POLR2F: variants seen among roughly 807,000 people sequenced by gnomAD.
POLR2F encodes the protein RNA polymerase II, I and III subunit F.
In POLR2F, 12 loss-of-function variants were observed where a neutral mutation model predicts 22.7. That is an observed-to-expected ratio of 0.53 (90% CI 0.34 to 0.86). The LOEUF (loss-of-function observed/expected upper bound fraction) is 0.86. POLR2F is among the 40% of genes least tolerant of loss of function. The probability of loss-of-function intolerance (pLI) is 0.02; values close to 1 mark genes in which losing one functional copy is unlikely to be tolerated. For missense variants in POLR2F, 126 were observed against 171.5 expected (o/e 0.73, Z 1.48); for synonymous variants, 57 against 66.0 (o/e 0.86, Z 0.66).
chr22:38,030,916 C>A (rs2085058624), downstream of POLR2F, among the ~76,000 whole-genome samples: 1 of 152,080 alleles, frequency 6.6e-6, no homozygotes, highest in Admixed American at 6.5e-5. Context: ...TCGGCTGTCA[C>A]CAGTAGGGGG....
At chr22:37,987,565 G>T (rs1932620339) in intron 1 of POLR2F, 1 of 342,944 alleles carries the variant, frequency 2.9e-6, no homozygotes, top group African/African-American at 2.1e-5. Context: ...AGGATACACT[G>T]AGATGAAGGT....
chr22:37,985,575 G>A (rs1932546104), upstream of POLR2F, among the ~76,000 whole-genome samples: 2 of 152,208 alleles, frequency 1.3e-5, no homozygotes, highest in South Asian at 4.1e-4. Context: ...TGGGGTGTAT[G>A]TGGGTTATGT....
At chr22:37,956,982 G>A in intron 2 of POLR2F, 140 bp downstream of exon 2, 2 of 735,474 alleles carry the variant, frequency 2.7e-6, no homozygotes, top group South Asian at 3.0e-5. Flanking sequence ...AGTGAGCTGT[G>A]TTCCAGTCTT....
intron 1 of POLR2F, among the ~76,000 whole-genome samples, chr22:38,003,796 C>T (rs537667908): frequency 1.6e-4 from 24 of 151,166 alleles, no homozygotes; most frequent in Admixed American, 9.2e-4. Flanking sequence ...AGGCTGGTCT[C>T]GAACCCCTGA....
At chr22:38,030,032 T>G (rs1373239378), downstream of POLR2F, among the ~76,000 whole-genome samples, 1 of 152,204 alleles carries the variant, frequency 6.6e-6, no homozygotes, top group Non-Finnish European at 1.5e-5. Flanking sequence ...CAAGGGCCTT[T>G]TCCACAAGCA....
At chr22:38,007,542 C>T (rs1276347224) in intron 1 of POLR2F, among the ~76,000 whole-genome samples, 2 of 152,168 alleles carry the variant, frequency 1.3e-5, no homozygotes, top group Non-Finnish European at 2.9e-5. Context: ...AGAGCGGGGC[C>T]GCCCCCATGC....
chr22:38,009,810 A>G (rs1045662699), intron 1 of POLR2F, among the ~76,000 whole-genome samples: 1 of 152,034 alleles, frequency 6.6e-6, no homozygotes, highest in East Asian at 1.9e-4. Flanking sequence ...CACTCAGCAT[A>G]ATTGTTTTGA....
chr22:38,041,014 C>T, intron 5 of POLR2F: 1 of 1,612,212 alleles, frequency 6.2e-7, no homozygotes, highest in Non-Finnish European at 8.5e-7. Context: ...TTCATGTCAT[C>T]CTCAACACAG....
chr22:37,971,999 C>G (rs1422567736), downstream of POLR2F, among the ~76,000 whole-genome samples: 1 of 150,874 alleles, frequency 6.6e-6, no homozygotes, highest in African/African-American at 2.4e-5. Flanking sequence ...TCCTAACACT[C>G]TCCATTGTTC....
intron 4 of POLR2F, among the ~76,000 whole-genome samples, chr22:37,975,692 C>T (rs948845242): frequency 1.3e-5 from 2 of 152,170 alleles, no homozygotes; most frequent in Non-Finnish European, 2.9e-5. Flanking sequence ...CCTGCCTAGG[C>T]TTTTGAATCC....
In POLR2F at chr22:37,980,988, C is replaced by G. The variant is rs947792850; in HGVS notation, c.293+13818C>G. Among the ~76,000 whole-genome samples the G allele has an allele frequency of 6.6e-6, 1 of 152,162 alleles. No homozygotes were observed. Among genetic ancestry groups the G allele is most frequent in the African/African-American group, 2.4e-5 (1 of 41,428 alleles). On this transcript the variant is annotated intron_variant, in intron 4 of 4. Coordinates refer to the POLR2F transcript ENST00000405557. This position sits in a 1 kb window ranked among gnomAD's most constrained non-coding sequence, Gnocchi z 4.1. ...TGGCTCTGGTTCTTTCCAGGCAGAT[C>G]AGCCAACCCACAGGCACCACCCTGT... is the stretch of plus-strand genomic sequence containing the variant.
chr22:38,027,188 G>A (rs986729954), downstream of POLR2F, among the ~76,000 whole-genome samples: 6 of 152,164 alleles, frequency 3.9e-5, no homozygotes, highest in African/African-American at 1.4e-4. Context: ...CCATTCATTC[G>A]TTCATTCATT....
intron 1 of POLR2F, among the ~76,000 whole-genome samples, chr22:37,989,106 G>A (rs973862570): frequency 1.3e-5 from 2 of 152,112 alleles, no homozygotes; most frequent in South Asian, 2.1e-4. Flanking sequence ...CCTCAGTCTC[G>A]GATGTAGTGG....
chr22:37,992,394 T>TC (rs1310037908), intron 1 of POLR2F, among the ~76,000 whole-genome samples: 1 of 152,026 alleles, frequency 6.6e-6, no homozygotes, highest in Admixed American at 6.5e-5. Flanking sequence ...CTTCTTCTTT[T>TC]TTTTTTTTTC....
At chr22:37,977,329 C>A (rs1174238493) in intron 4 of POLR2F, among the ~76,000 whole-genome samples, 1 of 141,990 alleles carries the variant, frequency 7.0e-6, no homozygotes, top group African/African-American at 2.6e-5. Context: ...TTTTTTTTTT[C>A]TTTCTCTTTG....
chr22:37,956,959 C>T, intron 2 of POLR2F, 117 bp downstream of exon 2: 1 of 809,020 alleles, frequency 1.2e-6, no homozygotes. Context: ...CTGCCATAAG[C>T]ATTCCCAGTT....
chr22:37,958,997 C>T (rs1033424404), intron 2 of POLR2F, among the ~76,000 whole-genome samples: 1 of 152,086 alleles, frequency 6.6e-6, no homozygotes, highest in African/African-American at 2.4e-5. Flanking sequence ...TTTTTTTGTG[C>T]CAGGACCTCT....
chr22:37,953,891 G>A, intron 1 of POLR2F, 84 bp downstream of exon 1: 1 of 1,482,536 alleles, frequency 6.7e-7, no homozygotes, highest in Non-Finnish European at 9.2e-7. Context: ...GGAGCCTGGC[G>A]TCTAGGGGCA....
At chr22:38,034,792 A>G (rs1281131421) in intron 5 of POLR2F, among the ~76,000 whole-genome samples, 2 of 152,206 alleles carry the variant, frequency 1.3e-5, no homozygotes, top group South Asian at 2.1e-4. Flanking sequence ...CACAGAGCGC[A>G]CTGGAGGTGG....
Sources: gnomAD v4.1 joint callset for allele counts (sites outside exome capture counted in the v4.1 genomes callset) on GRCh38, gnomAD v4.1.1 for gene constraint, Gnocchi (gnomAD v3.1) non-coding constraint, MANE v1.5 for transcripts, NCBI Gene and HGNC (gene_info 2026-07-23, HGNC 2026-07-21) for gene names.